Variants in PLXNA4 observed in about 807,000 individuals in gnomAD.
PLXNA4 encodes the protein plexin-A4.
PLXNA4 carries 44 observed loss-of-function variants against 191.8 expected under a neutral mutation model. The observed-to-expected ratio is 0.23, with a 90% CI of 0.18 to 0.29. The LOEUF (loss-of-function observed/expected upper bound fraction) is 0.29, where lower values mean the gene tolerates loss of function less well. PLXNA4 is among the 10% of genes least tolerant of loss of function. The pLI is 1.00. For missense variants in PLXNA4, 1,800 were observed against 2,488.8 expected (o/e 0.72, Z 5.89); for synonymous variants, 1,082 against 1,009.5 (o/e 1.07, Z -1.36).
chr7:132,151,577 A>AGGAGGAGGAGGAGAAAGG (rs142538155), intron 25 of PLXNA4, among the ~76,000 whole-genome samples: 1 of 33,624 alleles, frequency 3.0e-5, no homozygotes, highest in African/African-American at 9.4e-5. Context: ...GAGGAGGAGA[A>AGGAGGAGGAGGAGAAAGG]AGGAGGAGGA....
chr7:132,267,301 AG>A (rs1168241078), intron 4 of PLXNA4, among the ~76,000 whole-genome samples: 1 of 152,212 alleles, frequency 6.6e-6, no homozygotes, highest in Non-Finnish European at 1.5e-5. Flanking sequence ...GCATAGCCCA[AG>A]GGGAACACTT....
chr7:132,173,563 T>C (rs1483226156), intron 21 of PLXNA4, among the ~76,000 whole-genome samples: 2 of 152,186 alleles, frequency 1.3e-5, no homozygotes, highest in Non-Finnish European at 2.9e-5. Flanking sequence ...CACAAGCCTA[T>C]GCTTCATGCA....
intron 25 of PLXNA4, among the ~76,000 whole-genome samples, chr7:132,158,336 G>A (rs966247976): frequency 6.6e-6 from 1 of 152,144 alleles, no homozygotes; most frequent in Admixed American, 6.5e-5. Context: ...GTCTTGGATG[G>A]CTTAGCCAAA....
At position 132,470,624 on chromosome 7, in the gene PLXNA4, G is replaced by A. The variant is rs530906602; in HGVS notation, c.1371+18668C>T. Among the ~76,000 whole-genome samples, 3 of 152,262 alleles carry A rather than the reference G, an allele frequency of 2.0e-5. No homozygotes were observed. The South Asian group carries it at 6.2e-4, about 32-fold the overall frequency. On this transcript the variant is annotated intron_variant, in intron 3 of 31. Transcript: ENST00000321063. ...TAAGAACCTTGAAAAAGAGAGATGA[G>A]CCTGGACTATCCAGGTAGGCACACT...
At chr7:132,470,562 T>C (rs992704282) in intron 3 of PLXNA4, among the ~76,000 whole-genome samples, 1 of 152,172 alleles carries the variant, frequency 6.6e-6, no homozygotes, top group African/African-American at 2.4e-5. Context: ...ATAGGTTACC[T>C]AACATGGCAA....
chr7:132,377,335 T>C (rs1292970435), intron 3 of PLXNA4, among the ~76,000 whole-genome samples: 4 of 147,854 alleles, frequency 2.7e-5, no homozygotes, highest in Admixed American at 2.1e-4. Flanking sequence ...TTTTATAGCC[T>C]CCCCTAGAAT....
intron 9 of PLXNA4, among the ~76,000 whole-genome samples, chr7:132,213,311 T>C (rs1448074399): frequency 6.6e-6 from 1 of 152,206 alleles, no homozygotes; most frequent in Non-Finnish European, 1.5e-5. Flanking sequence ...TGTACAACAA[T>C]GTGAAATGTA....
chr7:132,275,575 A>C (rs1186958137), intron 4 of PLXNA4, among the ~76,000 whole-genome samples: 1 of 152,060 alleles, frequency 6.6e-6, no homozygotes, highest in Non-Finnish European at 1.5e-5. Context: ...TACACTAAGC[A>C]CTCTATAACT....
intron 30 of PLXNA4, among the ~76,000 whole-genome samples, chr7:132,134,416 G>A (rs1795055080): frequency 6.6e-6 from 1 of 152,180 alleles, no homozygotes; most frequent in Non-Finnish European, 1.5e-5. Flanking sequence ...CAGCTCAAGG[G>A]CCTGCAATGG....
chr7:132,139,938 A>T (rs1182887130), intron 30 of PLXNA4, among the ~76,000 whole-genome samples: 3 of 152,206 alleles, frequency 2.0e-5, no homozygotes, highest in Non-Finnish European at 4.4e-5. Context: ...TATGGAGCTG[A>T]TGTGGCTCAG....
chr7:132,365,509 A>G (rs1371190381), intron 3 of PLXNA4, among the ~76,000 whole-genome samples: 2 of 152,076 alleles, frequency 1.3e-5, no homozygotes, highest in East Asian at 3.9e-4. Context: ...TAAAAGTTGT[A>G]CAGTTTCATT....
At chr7:132,476,818 C>A (rs1212370309) in intron 3 of PLXNA4, among the ~76,000 whole-genome samples, 1 of 152,182 alleles carries the variant, frequency 6.6e-6, no homozygotes, top group African/African-American at 2.4e-5. Flanking sequence ...CTGCTGAACA[C>A]AATCTAATCA....
chr7:132,476,301 A>G (rs1797127943), intron 3 of PLXNA4, among the ~76,000 whole-genome samples: 1 of 152,220 alleles, frequency 6.6e-6, no homozygotes, highest in Non-Finnish European at 1.5e-5. Context: ...TGCTGTCACC[A>G]GCTCAGCCAT....
rs1001000070 is a variant in PLXNA4 at position 132,140,770 on chromosome 7, T to G, written c.5267A>C (p.Gln1756Pro). ...GTTCTTATGGATGTCAAACACAAAC[T>G]GCGGGTTCTTGATCATGTTGACCCA... ...RFWVNMIKNP[Q>P]FVFDIHKNSI... The change falls in exon 30 of 32, where the codon CAG becomes CCG. Residue 1756 changes from glutamine (Q) to proline (P), a missense_variant. Physicochemically the swap from Gln to Pro is moderately conservative, Grantham distance 76 (BLOSUM62 -1). This residue lies in a region of PLXNA4 where 101 missense variants were observed against 182.8 expected (regional missense o/e 0.55). Transcript: ENST00000321063. 3 of 1,613,762 alleles carry G rather than the reference T, an allele frequency of 1.9e-6. No individual in the cohort carries two copies. The highest frequency in any genetic ancestry group is 1.3e-5 in the African/African-American group (1 of 74,808).
At chr7:132,397,243 T>G (rs1793805308) in intron 3 of PLXNA4, among the ~76,000 whole-genome samples, 1 of 152,256 alleles carries the variant, frequency 6.6e-6, no homozygotes, top group Non-Finnish European at 1.5e-5. Flanking sequence ...TGGATTCTGA[T>G]GCAATTCTGG....
chr7:132,510,654 C>T (rs1439189325), intron 1 of PLXNA4, among the ~76,000 whole-genome samples: 1 of 152,106 alleles, frequency 6.6e-6, no homozygotes, highest in East Asian at 1.9e-4. Flanking sequence ...AGACTTCTAA[C>T]TTAGGGTGAG....
chr7:132,469,254 T>C (rs375659161), intron 3 of PLXNA4, among the ~76,000 whole-genome samples: 3 of 152,082 alleles, frequency 2.0e-5, no homozygotes, highest in African/African-American at 7.2e-5. Context: ...GATGAAGAAA[T>C]GCCTTACCTC....
At chr7:132,210,335 C>T (rs896312917) in intron 10 of PLXNA4, among the ~76,000 whole-genome samples, 8 of 152,192 alleles carry the variant, frequency 5.3e-5, no homozygotes, top group Non-Finnish European at 1.0e-4. Context: ...CAGCTGTCGG[C>T]AGCCTGGGGG....
At chr7:132,341,873 A>ATT (rs985368299) in intron 3 of PLXNA4, among the ~76,000 whole-genome samples, 6 of 152,206 alleles carry the variant, frequency 3.9e-5, no homozygotes, top group African/African-American at 1.4e-4. Flanking sequence ...CATATGCAAG[A>ATT]GGGTGCTATT....
Sources: allele counts gnomAD v4.1 joint callset (sites outside exome capture counted in the v4.1 genomes callset), GRCh38; gene constraint gnomAD v4.1.1; regional missense constraint gnomAD v4.1.1; transcripts MANE v1.5; gene names NCBI Gene and HGNC (gene_info 2026-07-23, HGNC 2026-07-21).